ZNF728: variants seen among roughly 807,000 people sequenced by gnomAD.
The protein encoded by ZNF728 is zinc finger protein 728.
A neutral mutation model predicts 12.5 loss-of-function variants in ZNF728; 12 were observed. The ratio of observed to expected loss-of-function variants is 0.96; its 90% CI spans 0.61 to 1.55. The LOEUF (loss-of-function observed/expected upper bound fraction) is 1.55. Ranked by LOEUF, ZNF728 falls within the 40% of genes most tolerant of loss-of-function variation. The pLI is 0.00. For synonymous variants in ZNF728, 205 were observed against 240.7 expected, an observed-to-expected ratio of 0.85 and a Z score of 1.37; for missense variants, 692 against 719.2, an observed-to-expected ratio of 0.96 and a Z score of 0.43.
intron 2 of ZNF728, among the ~76,000 whole-genome samples, chr19:22,987,801 T>C (rs935151550): frequency 6.6e-6 from 1 of 152,184 alleles, no homozygotes; most frequent in African/African-American, 2.4e-5. Context: ...AACAGAAATC[T>C]GAAAGCATAA....
At chr19:22,980,798 C>T (rs568578480) in intron 3 of ZNF728, among the ~76,000 whole-genome samples, 1 of 152,122 alleles carries the variant, frequency 6.6e-6, no homozygotes, top group East Asian at 1.9e-4. Flanking sequence ...AAAATGAAAG[C>T]AGAAATAAAA....
At chr19:22,977,706 G>A (rs73553412) in intron 3 of ZNF728, among the ~76,000 whole-genome samples, 1,553 of 152,210 alleles carry the variant, frequency 0.01, 29 homozygotes, top group African/African-American at 0.036. Context: ...TTAACTAAAG[G>A]TAAGCACAAA....
chr19:23,003,014 C>T lies in ZNF728; in HGVS notation c.3+14G>A. The T allele has an allele frequency of 1.9e-6, 3 of 1,584,374 alleles. No individual in the cohort carries two copies. The highest frequency in any genetic ancestry group is 2.6e-6 in the Non-Finnish European group (3 of 1,165,766). ...GCTGCCACTCTCTCGGGATGTCGGA[C>T]CCGGCTGACTCACCATTTCTAGGCT... On this transcript the variant is annotated intron_variant, in intron 1 of 3. Transcript: ENST00000594710.
chr19:22,994,303 C>G (rs775361636), intron 1 of ZNF728, among the ~76,000 whole-genome samples: 4 of 152,146 alleles, frequency 2.6e-5, no homozygotes, highest in Non-Finnish European at 5.9e-5. Flanking sequence ...TGACTGGAAG[C>G]CGAAAAGGCC....
chr19:22,996,536 T>G (rs1308680473), intron 1 of ZNF728, among the ~76,000 whole-genome samples: 2 of 152,202 alleles, frequency 1.3e-5, no homozygotes, highest in African/African-American at 4.8e-5. Context: ...TTCCGATCTT[T>G]GTGCTCAACT....
chr19:22,977,139 T>C lies in ZNF728; in HGVS notation c.227-29A>G. 2 of 1,494,934 alleles carry C rather than the reference T, an allele frequency of 1.3e-6. 1 individual carries two copies. Among genetic ancestry groups the C allele is most frequent in the South Asian group, 2.8e-5 (2 of 71,896 alleles). The allele number at this position is 1,494,934 out of a possible 1,614,324, so 92.6% of individuals were successfully genotyped here. On this transcript the variant is annotated intron_variant, in intron 3 of 3. Coordinates refer to ENST00000594710, the MANE Select transcript of ZNF728 (RefSeq NM_001267716.2). ...AAAAGAAATAAAAATAACAAATTAG[T>C]CCACTTATTAGATAAATATAGTTTC...
intron 1 of ZNF728, among the ~76,000 whole-genome samples, chr19:22,992,659 C>T (rs1174298793): frequency 1.3e-5 from 2 of 152,096 alleles, no homozygotes; most frequent in Non-Finnish European, 2.9e-5. Context: ...TACCCGAGTA[C>T]AGGGAACTTG....
rs1968779098 is a variant in ZNF728 at position 22,975,142 on chromosome 19, G to A, written c.*326C>T. Among the ~76,000 whole-genome samples the A allele has an allele frequency of 6.6e-6, 1 of 152,170 alleles. No individual in the cohort carries two copies. The highest frequency in any genetic ancestry group is 2.4e-5 in the African/African-American group (1 of 41,450). On this transcript the variant is annotated 3_prime_UTR_variant, in exon 4 of 4. Transcript: ENST00000594710. ...AAGCCTTGTCACATCTTTCAGGTTT[G>A]CAGTTTCTCTCTAGTATGAATTAGC... is the stretch of plus-strand genomic sequence containing the variant.
At chr19:23,000,865 CAAA>C (rs879559395) in intron 1 of ZNF728, among the ~76,000 whole-genome samples, 86 of 32,622 alleles carry the variant, frequency 2.6e-3, no homozygotes, top group African/African-American at 6.5e-3. Flanking sequence ...AAAACACTGT[CAAA>C]AAAAAAAAAA....
chr19:22,987,520 C>T, intron 2 of ZNF728, 117 bp from the exon 3 acceptor site: 1 of 992,580 alleles, frequency 1.0e-6, no homozygotes, highest in Non-Finnish European at 1.3e-6. Flanking sequence ...TCCCAAAATA[C>T]TAAATTACAA....
chr19:22,999,225 T>C (rs1279832829), intron 1 of ZNF728, among the ~76,000 whole-genome samples: 1 of 152,216 alleles, frequency 6.6e-6, no homozygotes, highest in African/African-American at 2.4e-5. Flanking sequence ...ATCTTATAGT[T>C]GGTACTTCCT....
chr19:22,988,876 A>C (rs1239335795), intron 1 of ZNF728, among the ~76,000 whole-genome samples: 1 of 151,970 alleles, frequency 6.6e-6, no homozygotes, highest in African/African-American at 2.4e-5. Flanking sequence ...ACATGGAGAA[A>C]CCACGTCTGT....
At chr19:22,989,285 C>A (rs1404721866) in intron 1 of ZNF728, among the ~76,000 whole-genome samples, 1 of 151,580 alleles carries the variant, frequency 6.6e-6, no homozygotes, top group Non-Finnish European at 1.5e-5. Flanking sequence ...CATCAGTATG[C>A]CAATGGTTTT....
In ZNF728 at chr19:22,974,916, T is replaced by C. The variant is rs970704642; in HGVS notation, c.*552A>G. On this transcript the variant is annotated 3_prime_UTR_variant, in exon 4 of 4. Transcript: ENST00000594710. ...CCTCTGTTGCCCAGGCTAGTGTAAA[T>C]GCTTTCCTTTGCAATTAGGCATGAG... is the stretch of plus-strand genomic sequence containing the variant. Among the ~76,000 whole-genome samples, 2 of 152,202 alleles carry C rather than the reference T, an allele frequency of 1.3e-5. No homozygotes were observed. Among genetic ancestry groups the C allele is most frequent in the Admixed American group, 6.5e-5 (1 of 15,274 alleles).
At chr19:22,982,529 CA>C (rs1263536645) in intron 3 of ZNF728, among the ~76,000 whole-genome samples, 1 of 151,370 alleles carries the variant, frequency 6.6e-6, no homozygotes, top group Non-Finnish European at 1.5e-5. Context: ...AATATGGAAC[CA>C]AAAAAAAGCT....
rs1969131893 is a variant in ZNF728 at position 23,003,097 on chromosome 19, A to G, written c.-67T>C. On this transcript the variant is annotated 5_prime_UTR_variant, in exon 1 of 4. It removes an upstream start codon present in the reference 5' UTR. Coordinates refer to ENST00000594710, the MANE Select transcript of ZNF728 (RefSeq NM_001267716.2). ...CCCAATACCTGCAGGTCACAGGGCCATAGAAGCTGGGCCTTTAGGAGCGGA... is the reference window on the plus strand; with the variant it reads ...CCCAATACCTGCAGGTCACAGGGCCGTAGAAGCTGGGCCTTTAGGAGCGGA... 2 of 1,532,840 alleles carry G rather than the reference A, an allele frequency of 1.3e-6. No individual in the cohort carries two copies. Among genetic ancestry groups the G allele is most frequent in the Non-Finnish European group, 1.8e-6 (2 of 1,140,466 alleles). The allele number at this position is 1,532,840 out of a possible 1,614,324, so 95.0% of individuals were successfully genotyped here. A position where few individuals can be genotyped will look rare whatever the true frequency, so the allele number is the denominator to read the frequency against.
chr19:22,992,698 G>C (rs1178682728), intron 1 of ZNF728, among the ~76,000 whole-genome samples: 3 of 152,174 alleles, frequency 2.0e-5, no homozygotes, highest in African/African-American at 4.8e-5. Context: ...ACCAACCAAA[G>C]ATACTTCTTG....
intron 3 of ZNF728, among the ~76,000 whole-genome samples, chr19:22,983,791 T>A (rs1968885215): frequency 6.6e-6 from 1 of 151,920 alleles, no homozygotes; most frequent in Non-Finnish European, 1.5e-5. Context: ...CACTCATAAG[T>A]GGGAGTTGAA....
Position 22,976,549 on chromosome 19 carries a change from T to TGAAA in ZNF728, c.787_788insTTTC (p.Lys263IlefsTer12). The stretch of plus-strand genomic sequence containing the variant: ...AAGGCTTGAGGACCGGGTGAAGGCT[T>TGAAA]TGCCACATTCTTCACATTTGTAATG... On this transcript the variant is annotated frameshift_variant, in exon 4 of 4. Coordinates refer to ENST00000594710, the MANE Select transcript of ZNF728 (RefSeq NM_001267716.2). LOFTEE classifies it low-confidence loss of function (END_TRUNC). 1 of 1,612,812 alleles carries TGAAA rather than the reference T, an allele frequency of 6.2e-7. No homozygotes were observed. The highest frequency in any genetic ancestry group is 1.1e-5 in the South Asian group (1 of 91,078).
Sources: allele counts gnomAD v4.1 joint callset (sites outside exome capture counted in the v4.1 genomes callset), GRCh38; gene constraint gnomAD v4.1.1; transcripts MANE v1.5; gene names NCBI Gene and HGNC (gene_info 2026-07-23, HGNC 2026-07-21).